GABRB1: variants seen among roughly 807,000 people sequenced by gnomAD.
The protein encoded by GABRB1 is gamma-aminobutyric acid type A receptor subunit beta1.
A neutral mutation model predicts 51.6 loss-of-function variants in GABRB1; 17 were observed. That is an observed-to-expected ratio of 0.33 (90% CI 0.23 to 0.49). The LOEUF (loss-of-function observed/expected upper bound fraction) is 0.49, where lower values mean the gene tolerates loss of function less well. Ranked by LOEUF, GABRB1 falls within the 20% of genes least tolerant of loss-of-function variation. The pLI, the probability that GABRB1 is intolerant of heterozygous loss-of-function variation, is 0.99. For missense variants in GABRB1, 410 were observed against 600.6 expected (o/e 0.68, Z 3.32); for synonymous variants, 247 against 218.9 (o/e 1.13, Z -1.14).
At chr4:47,241,691 C>T (rs918379999) in intron 4 of GABRB1, among the ~76,000 whole-genome samples, 1 of 152,122 alleles carries the variant, frequency 6.6e-6, no homozygotes, top group Non-Finnish European at 1.5e-5. Context: ...ACCTCCAACT[C>T]TCACCTTTTC....
chr4:47,374,820 T>C (rs2110022460), intron 5 of GABRB1, among the ~76,000 whole-genome samples: 1 of 152,276 alleles, frequency 6.6e-6, no homozygotes, highest in South Asian at 2.1e-4. Context: ...ACATAAATTG[T>C]TAAGTAAACC....
At chr4:47,256,120 AG>A (rs970965024) in intron 4 of GABRB1, among the ~76,000 whole-genome samples, 4 of 152,190 alleles carry the variant, frequency 2.6e-5, no homozygotes, top group African/African-American at 9.7e-5. Flanking sequence ...CAGAGATGAT[AG>A]GGGCTTGAGC....
At chr4:47,032,596 T>TC in intron 3 of GABRB1, 112 bp downstream of exon 3, 1 of 1,027,236 alleles carries the variant, frequency 9.7e-7, no homozygotes, top group Non-Finnish European at 1.5e-6. Flanking sequence ...GCCCCTGAGG[T>TC]CCCACTCCGC....
intron 5 of GABRB1, among the ~76,000 whole-genome samples, chr4:47,399,769 A>T (rs1359816995): frequency 6.6e-6 from 1 of 152,116 alleles, no homozygotes; most frequent in Non-Finnish European, 1.5e-5. Flanking sequence ...TATATTCTAG[A>T]TGTTCTGTGG....
At chr4:47,045,006 T>C (rs182323637) in intron 3 of GABRB1, among the ~76,000 whole-genome samples, 10 of 152,182 alleles carry the variant, frequency 6.6e-5, no homozygotes, top group Admixed American at 5.2e-4. Context: ...ACTCCCTTTA[T>C]ATGAGGAGGA....
intron 3 of GABRB1, among the ~76,000 whole-genome samples, chr4:47,088,562 C>T (rs1280551889): frequency 2.6e-5 from 4 of 152,184 alleles, no homozygotes; most frequent in African/African-American, 9.7e-5. Flanking sequence ...TCTGGAGAAG[C>T]ATGAAGCAGG....
intron 5 of GABRB1, among the ~76,000 whole-genome samples, chr4:47,336,334 G>A (rs1367044602): frequency 1.3e-5 from 2 of 152,184 alleles, no homozygotes; most frequent in Non-Finnish European, 2.9e-5. Context: ...GGTCAAATCG[G>A]TGCTAGAGGT....
intron 4 of GABRB1, among the ~76,000 whole-genome samples, chr4:47,238,028 A>C (rs1156314662): frequency 6.6e-6 from 1 of 152,012 alleles, no homozygotes. Context: ...TCAATCAAAA[A>C]ACATGTAATT....
At chr4:47,283,663 C>G (rs1430905216) in intron 4 of GABRB1, among the ~76,000 whole-genome samples, 2 of 151,912 alleles carry the variant, frequency 1.3e-5, no homozygotes, top group African/African-American at 4.8e-5. Context: ...GCTGGGATTA[C>G]AGGCTTGAGC....
At chr4:47,103,029 G>T (rs780536877) in intron 3 of GABRB1, among the ~76,000 whole-genome samples, 14 of 152,102 alleles carry the variant, frequency 9.2e-5, no homozygotes, top group Admixed American at 1.3e-4. Context: ...GAGTTGTTGT[G>T]CATTCTATGA....
At position 47,031,745 on chromosome 4, in the gene GABRB1, G is replaced by C. The variant is rs2109465611; in HGVS notation, c.80+14G>C. ...TTGTGCACACAGGTGAGCTGCTGTT[G>C]TTGAATCTCGCTCTCTCTCTCTCTC... On this transcript the variant is annotated intron_variant, in intron 1 of 8. Transcript: ENST00000295454. The C allele has an allele frequency of 1.3e-6, 2 of 1,586,246 alleles. No homozygotes were observed. Among genetic ancestry groups the C allele is most frequent in the Non-Finnish European group, 1.7e-6 (2 of 1,162,552 alleles).
At chr4:47,043,999 GT>G (rs1047335769) in intron 3 of GABRB1, among the ~76,000 whole-genome samples, 3 of 152,110 alleles carry the variant, frequency 2.0e-5, no homozygotes, top group African/African-American at 7.2e-5. Flanking sequence ...TATTTCATAC[GT>G]TTTCCCAGAA....
intron 4 of GABRB1, among the ~76,000 whole-genome samples, chr4:47,262,494 A>T (rs1364476035): frequency 6.6e-6 from 1 of 152,184 alleles, no homozygotes; most frequent in African/African-American, 2.4e-5. Context: ...CCACAATGAG[A>T]CACCATCTCA....
intron 4 of GABRB1, among the ~76,000 whole-genome samples, chr4:47,207,191 G>T (rs747300835): frequency 6.9e-4 from 105 of 151,822 alleles, no homozygotes; most frequent in Non-Finnish European, 1.2e-3. Context: ...CTCATATAAG[G>T]TTAGCTCATT....
At chr4:47,158,547 G>T (rs943075083) in intron 3 of GABRB1, among the ~76,000 whole-genome samples, 2 of 152,060 alleles carry the variant, frequency 1.3e-5, no homozygotes, top group Non-Finnish European at 1.5e-5. Context: ...ATCCTGTGTG[G>T]CACTCGTAAG....
intron 8 of GABRB1, among the ~76,000 whole-genome samples, chr4:47,410,500 A>G (rs1728726145): frequency 6.6e-6 from 1 of 152,152 alleles, no homozygotes; most frequent in Non-Finnish European, 1.5e-5. Context: ...GGGGCAGCAA[A>G]ACTTCAGCAG....
chr4:47,156,240 T>G (rs1234809900), intron 3 of GABRB1, among the ~76,000 whole-genome samples: 1 of 151,934 alleles, frequency 6.6e-6, no homozygotes, highest in African/African-American at 2.4e-5. Flanking sequence ...TACTGCCTGT[T>G]TTTTTAATAA....
intron 3 of GABRB1, among the ~76,000 whole-genome samples, chr4:47,036,692 T>C (rs1725584416): frequency 6.6e-6 from 1 of 152,104 alleles, no homozygotes. Flanking sequence ...TGAAACCCCA[T>C]GTCTACCAAA....
intron 5 of GABRB1, among the ~76,000 whole-genome samples, chr4:47,346,905 AG>A (rs1726117791): frequency 6.6e-6 from 1 of 152,190 alleles, no homozygotes; most frequent in South Asian, 2.1e-4. Context: ...ACTGCAGGGA[AG>A]CTGGACTGGA....
Sources: gnomAD v4.1 joint callset for allele counts (sites outside exome capture counted in the v4.1 genomes callset) on GRCh38, gnomAD v4.1.1 for gene constraint, MANE v1.5 for transcripts, NCBI Gene and HGNC (gene_info 2026-07-23, HGNC 2026-07-21) for gene names.